ESRP2: variants seen among roughly 807,000 people sequenced by gnomAD.
ESRP2 encodes the protein epithelial splicing regulatory protein 2.
ESRP2 carries 48 observed loss-of-function variants against 78.6 expected under a neutral mutation model. The ratio of observed to expected loss-of-function variants is 0.61; its 90% confidence interval spans 0.48 to 0.78. The LOEUF (loss-of-function observed/expected upper bound fraction) is 0.78, where lower values mean the gene tolerates loss of function less well. Among genes scored for constraint, ESRP2 ranks in the 30% least tolerant of loss-of-function variants. The pLI is 0.00. For missense variants in ESRP2, 863 were observed against 965.9 expected (o/e 0.89, Z 1.41); for synonymous variants, 383 against 406.7 (o/e 0.94, Z 0.70).
In ESRP2 at chr16:68,235,301, C is replaced by G. The variant is rs2042208636; in HGVS notation, c.327+333G>C. 1 of 985,090 alleles carries G rather than the reference C, an allele frequency of 1.0e-6. No homozygotes were observed. Among genetic ancestry groups the G allele is most frequent in the Non-Finnish European group, 1.2e-6 (1 of 829,882 alleles). The allele number at this position is 985,090 out of a possible 1,614,324, so 61.0% of individuals were successfully genotyped here. On this transcript the variant is annotated intron_variant, in intron 2 of 14. Coordinates refer to ENST00000473183, the MANE Select transcript of ESRP2 (RefSeq NM_024939.3). The surrounding 1 kb of genome is among the most constrained non-coding windows in gnomAD (Gnocchi z 5.5). ...CGACCCCTTTCGCTTCCGGCTGCGGCTCAGGGAGACCTGACCCAGCAGGTC... is the reference window on the plus strand; with the variant it reads ...CGACCCCTTTCGCTTCCGGCTGCGGGTCAGGGAGACCTGACCCAGCAGGTC...
chr16:68,230,892 T>C lies in ESRP2; in HGVS notation c.1847A>G (p.Tyr616Cys). The C allele has an allele frequency of 6.2e-7, 1 of 1,613,774 alleles. No individual in the cohort carries two copies. Among genetic ancestry groups the C allele is most frequent in the Non-Finnish European group, 8.5e-7 (1 of 1,179,882 alleles). ...VPAAPTPVAY[Y>C]PGPATQLYLN... ...GTAGAGTTGAGTGGCTGGCCCTGGA[T>C]AGTAGGCAACAGGGGTGGGGGCAGC... The change falls in exon 13 of 15, where the codon TAT becomes TGT. Residue 616 changes from tyrosine to cysteine, a missense_variant. Transcript: ENST00000473183.
chr16:68,234,239 AAG>A (rs1567566295), intron 2 of ESRP2, 132 bp from the exon 3 acceptor site: 3 of 677,200 alleles, frequency 4.4e-6, no homozygotes, highest in Non-Finnish European at 7.5e-6. Context: ...GCCTGGGAAT[AAG>A]AGGCCACGCC....
chr16:68,230,257 AAC>A lies in ESRP2; in HGVS notation c.2121_2122del (p.Leu708ThrfsTer17), dbSNP rs757298912. 2.7e-5 allele frequency: 43 copies of A among 1,614,202 alleles called. 2 individuals are homozygous for A. The Admixed American group carries it at 6.2e-4, about 23-fold the overall frequency. ...ACACACCCATTCCTTGGGGGCTTGTAACACAGTGCGAGGTGGGTCACCAACAG... is the reference window on the plus strand; with the variant it reads ...ACACACCCATTCCTTGGGGGCTTGTAACAGTGCGAGGTGGGTCACCAACAG... On this transcript the variant is annotated frameshift_variant, in exon 15 of 15. Transcript: ENST00000473183. LOFTEE classifies it high-confidence loss of function.
Position 68,233,420 on chromosome 16 carries a change from C to G in ESRP2, c.562G>C (p.Gly188Arg). ...TCCTCTGTGGCATCTGTCTCCAGTCCTAAACCTATGGGCAGAGAAGTGACA... is the reference window on the plus strand; with the variant it reads ...TCCTCTGTGGCATCTGTCTCCAGTCGTAAACCTATGGGCAGAGAAGTGACA... ...LTVATMAQGL[G>R]LETDATEDDF... Residue 188 changes from glycine (G) to arginine (R), a missense_variant, in exon 5 of 15, where the codon GGA becomes CGA. Transcript: ENST00000473183. 1 of 1,612,906 alleles carries G rather than the reference C, an allele frequency of 6.2e-7. No homozygotes were observed. The highest frequency in any genetic ancestry group is 8.5e-7 in the Non-Finnish European group (1 of 1,178,884).
At position 68,235,817 on chromosome 16, in the gene ESRP2, TG is replaced by T. The variant is rs2151197199; in HGVS notation, c.198+30del. ...GCGCCCCTCGACCCCGGAAGCTCCCTGGGGACCTCACCGCCTCTTTTCCACC... is the reference window on the plus strand; with the variant it reads ...GCGCCCCTCGACCCCGGAAGCTCCCTGGGACCTCACCGCCTCTTTTCCACC... On this transcript the variant is annotated intron_variant, in intron 1 of 14. Transcript: ENST00000473183. This position sits in a 1 kb window ranked among gnomAD's most constrained non-coding sequence, Gnocchi z 5.5. The T allele has an allele frequency of 6.2e-7, 1 of 1,610,738 alleles. No individual in the cohort carries two copies. The highest frequency in any genetic ancestry group is 1.7e-5 in the Admixed American group (1 of 59,832).
In ESRP2 at chr16:68,230,510, G is replaced by A; in HGVS notation, c.1943C>T (p.Thr648Ile). The A allele has an allele frequency of 6.2e-7, 1 of 1,603,620 alleles. No individual in the cohort carries two copies. The highest frequency in any genetic ancestry group is 2.2e-5 in the East Asian group (1 of 44,792). Residue 648 changes from threonine to isoleucine, a missense_variant, in exon 14 of 15, where the codon ACT becomes ATT. Transcript: ENST00000473183. ...PTTVGYLTTP[T>I]AALASAPTSV... ...GGTGGGAGCAGAGGCCAGGGCAGCA[G>A]TGGGTGTAGTGAGGTAGCCCACAGT...
rs2042150558 is a variant in ESRP2 at position 68,232,161 on chromosome 16, C to T, written c.998-58G>A. 19 of 1,612,062 alleles carry T rather than the reference C, an allele frequency of 1.2e-5. No homozygotes were observed. In the South Asian group the frequency reaches 2.1e-4, roughly 18 times the overall value. ...ATGCTCCTCCAGACACTCACCCATG[C>T]AGGGGAGCAGGCAGGCAAGGGGTGG... On this transcript the variant is annotated intron_variant, in intron 9 of 14. Coordinates refer to ENST00000473183, the MANE Select transcript of ESRP2 (RefSeq NM_024939.3). The surrounding 1 kb of genome is among the most constrained non-coding windows in gnomAD (Gnocchi z 5.2).
chr16:68,232,539 G>C lies in ESRP2; in HGVS notation c.822-36C>G. 6.2e-7 allele frequency: 1 copy of C among 1,614,092 alleles called. No individual in the cohort carries two copies. Among genetic ancestry groups the C allele is most frequent in the South Asian group, 1.1e-5 (1 of 91,074 alleles). On this transcript the variant is annotated intron_variant, in intron 7 of 14. Transcript: ENST00000473183. The surrounding 1 kb of genome is among the most constrained non-coding windows in gnomAD (Gnocchi z 5.2). Reference sequence around the variant, plus strand: ...AGTGCTGTTAGTGCCTCCTGGGTAGGCCTGTCCAATTGGGCCCACCCACCC... The same window carrying C: ...AGTGCTGTTAGTGCCTCCTGGGTAGCCCTGTCCAATTGGGCCCACCCACCC...
chr16:68,234,848 C>T (rs1241218511), intron 2 of ESRP2: 1 of 152,836 alleles, frequency 6.5e-6, no homozygotes, highest in African/African-American at 2.4e-5. Flanking sequence ...AGTGAAGGGC[C>T]GGGAGCCCTT....
In ESRP2 at chr16:68,231,780, G is replaced by T. The variant is rs201080056; in HGVS notation, c.1299+22C>A. ...CCCTGGAGTAACAGTACATCTGGGG[G>T]TGGGGAGCCCTGGGCGCTCACCTGC... On this transcript the variant is annotated intron_variant, in intron 10 of 14. Transcript: ENST00000473183. This position sits in a 1 kb window ranked among gnomAD's most constrained non-coding sequence, Gnocchi z 6.0. 2.1e-5 allele frequency: 34 copies of T among 1,604,378 alleles called. No homozygotes were observed. Among genetic ancestry groups the T allele is most frequent in the Non-Finnish European group, 2.8e-5 (33 of 1,172,722 alleles).
In ESRP2 at chr16:68,232,200, T is replaced by C. The variant is rs1185753859; in HGVS notation, c.997+46A>G. ...GGCAAGGGGTGGTGGGGAAGTGAAATGGATCAAGAACCAGGGGAGCCAGGC... is the reference window on the plus strand; with the variant it reads ...GGCAAGGGGTGGTGGGGAAGTGAAACGGATCAAGAACCAGGGGAGCCAGGC... On this transcript the variant is annotated intron_variant, in intron 9 of 14. Transcript: ENST00000473183. The surrounding 1 kb of genome is among the most constrained non-coding windows in gnomAD (Gnocchi z 5.2). The C allele has an allele frequency of 6.2e-7, 1 of 1,613,700 alleles. No homozygotes were observed. The highest frequency in any genetic ancestry group is 1.7e-5 in the Admixed American group (1 of 59,964).
In ESRP2 at chr16:68,231,049, G is replaced by A. The variant is rs754392299; in HGVS notation, c.1712-22C>T. ...AGGCCTAGAGACGGAAGTAGAAAGT[G>A]CATGTGCACGGAGCCCAGCACTGCC... On this transcript the variant is annotated intron_variant, in intron 12 of 14. Transcript: ENST00000473183. The surrounding 1 kb of genome is among the most constrained non-coding windows in gnomAD (Gnocchi z 6.0). 3.4e-5 allele frequency: 54 copies of A among 1,588,594 alleles called. No homozygotes were observed. The highest frequency in any genetic ancestry group is 4.2e-5 in the Non-Finnish European group (49 of 1,166,168).
In ESRP2 at chr16:68,231,379, G is replaced by A. The variant is rs1338873631; in HGVS notation, c.1513-3C>T. 3.7e-6 allele frequency: 6 copies of A among 1,614,044 alleles called. No individual in the cohort carries two copies. Among genetic ancestry groups the A allele is most frequent in the Non-Finnish European group, 5.1e-6 (6 of 1,179,986 alleles). On this transcript the variant is annotated splice_region_variant and splice_polypyrimidine_tract_variant and intron_variant, in intron 11 of 14. Transcript: ENST00000473183. The surrounding 1 kb of genome is among the most constrained non-coding windows in gnomAD (Gnocchi z 6.0). ...AAGGCATCGCCCGATGGCCGGCCCT[G>A]TGCACACCATCTTGTGAGCAGTTTG...
chr16:68,231,431 A>T lies in ESRP2; in HGVS notation c.1512+51T>A. 6.2e-7 allele frequency: 1 copy of T among 1,613,622 alleles called. No homozygotes were observed. Among genetic ancestry groups the T allele is most frequent in the Non-Finnish European group, 8.5e-7 (1 of 1,179,758 alleles). Reference sequence around the variant, plus strand: ...CATGTGTAAGAGTGCCTTACCCCTAACACACACCCCTTCCTATTTATGTGT... The same window carrying T: ...CATGTGTAAGAGTGCCTTACCCCTATCACACACCCCTTCCTATTTATGTGT... On this transcript the variant is annotated intron_variant, in intron 11 of 14. Transcript: ENST00000473183. This position sits in a 1 kb window ranked among gnomAD's most constrained non-coding sequence, Gnocchi z 6.0.
rs2042106048 is a variant in ESRP2, at chr16:68,230,148, A to T, written c.*78T>A. ...AAGCCAGAAAGAAGCTACCAGGTTGAGGGTGCTGGTCTTCTGGACTCAGGA... is the reference window on the plus strand; with the variant it reads ...AAGCCAGAAAGAAGCTACCAGGTTGTGGGTGCTGGTCTTCTGGACTCAGGA... On this transcript the variant is annotated 3_prime_UTR_variant, in exon 15 of 15. Transcript: ENST00000473183. 2 of 1,360,722 alleles carry T rather than the reference A, an allele frequency of 1.5e-6. No homozygotes were observed. Among genetic ancestry groups the T allele is most frequent in the Non-Finnish European group, 2.1e-6 (2 of 951,502 alleles). The allele number at this position is 1,360,722 out of a possible 1,614,324, so 84.3% of individuals were successfully genotyped here.
Position 68,231,081 on chromosome 16 carries a change from G to A in ESRP2, c.1712-54C>T, listed in dbSNP as rs111882305. 5.6e-6 allele frequency: 9 copies of A among 1,596,938 alleles called. No individual in the cohort carries two copies. Among genetic ancestry groups the A allele is most frequent in the African/African-American group, 4.0e-5 (3 of 74,516 alleles). On this transcript the variant is annotated intron_variant, in intron 12 of 14. Coordinates refer to ENST00000473183, the MANE Select transcript of ESRP2 (RefSeq NM_024939.3). The surrounding 1 kb of genome is among the most constrained non-coding windows in gnomAD (Gnocchi z 6.0). ...CACGGAGCCCAGCACTGCCCTGGGT[G>A]GGGTAGCCAGAAAGGAGTCCCCGCT...
Position 68,235,815 on chromosome 16 carries a change from C to T in ESRP2, c.198+33G>A, listed in dbSNP as rs1768283599. 6.2e-7 allele frequency: 1 copy of T among 1,610,652 alleles called. No individual in the cohort carries two copies. Among genetic ancestry groups the T allele is most frequent in the Non-Finnish European group, 8.5e-7 (1 of 1,178,964 alleles). The stretch of plus-strand genomic sequence containing the variant: ...CCGCGCCCCTCGACCCCGGAAGCTC[C>T]CTGGGGACCTCACCGCCTCTTTTCC... On this transcript the variant is annotated intron_variant, in intron 1 of 14. Transcript: ENST00000473183. The surrounding 1 kb of genome is among the most constrained non-coding windows in gnomAD (Gnocchi z 5.5).
At position 68,232,504 on chromosome 16, in the gene ESRP2, C is replaced by G; in HGVS notation, c.822-1G>C. On this transcript the variant is annotated splice_acceptor_variant, in intron 7 of 14. Transcript: ENST00000473183. LOFTEE classifies it high-confidence loss of function. This position sits in a 1 kb window ranked among gnomAD's most constrained non-coding sequence, Gnocchi z 5.2. ...GTTGAGGCAGAGTGCTACACCACCC[C>G]TGTGGAGCCAGTGCTGTTAGTGCCT... 1.9e-6 allele frequency: 3 copies of G among 1,614,122 alleles called. No individual in the cohort carries two copies. Among genetic ancestry groups the G allele is most frequent in the Non-Finnish European group, 2.5e-6 (3 of 1,180,000 alleles).
Position 68,230,531 on chromosome 16 carries a change from A to C in ESRP2, c.1922T>G (p.Val641Gly). The part of the protein sequence containing the change: ...YPSPPVSPTT[V>G]GYLTTPTAAL... ...AGCAGTGGGTGTAGTGAGGTAGCCCACAGTGGTGGGGGAGACTGGGGGGCT... is the reference window on the plus strand; with the variant it reads ...AGCAGTGGGTGTAGTGAGGTAGCCCCCAGTGGTGGGGGAGACTGGGGGGCT... The change falls in exon 14 of 15, where the codon GTG (valine) becomes GGG (glycine). Residue 641 changes from valine (V) to glycine (G), a missense_variant. Val to Gly is a moderately radical substitution (Grantham distance 109, BLOSUM62 -3). Transcript: ENST00000473183. 1 of 1,587,140 alleles carries C rather than the reference A, an allele frequency of 6.3e-7. No homozygotes were observed. The highest frequency in any genetic ancestry group is 1.2e-5 in the South Asian group (1 of 86,708).
Sources: allele counts gnomAD v4.1 joint callset, GRCh38; gene constraint gnomAD v4.1.1; non-coding constraint Gnocchi (gnomAD v3.1); transcripts MANE v1.5; gene names NCBI Gene and HGNC (gene_info 2026-07-23, HGNC 2026-07-21).